The following PBRM1 variants were observed in gnomAD, a reference collection of about 807,000 sequenced individuals.
PBRM1 encodes the protein polybromo 1, also known as protein polybromo-1.
In PBRM1, 27 loss-of-function variants were observed where a neutral mutation model predicts 194.5. The observed-to-expected ratio is 0.14, with a 90% CI of 0.10 to 0.19. The LOEUF (loss-of-function observed/expected upper bound fraction) is 0.19. Ranked by LOEUF, PBRM1 falls within the 10% of genes least tolerant of loss-of-function variation. The probability of loss-of-function intolerance (pLI) is 1.00; values close to 1 mark genes in which losing one functional copy is unlikely to be tolerated. For missense variants in PBRM1, 1,466 were observed against 2,077.2 expected (o/e 0.71, Z 5.72); for synonymous variants, 655 against 693.2 (o/e 0.94, Z 0.87).
chr3:52,662,645 G>C (rs530637586), intron 3 of PBRM1, among the ~76,000 whole-genome samples: 99 of 152,154 alleles, frequency 6.5e-4, no homozygotes, highest in African/African-American at 2.2e-3. Context: ...GGCCAACATG[G>C]TGAAACCCCG....
intron 17 of PBRM1, among the ~76,000 whole-genome samples, chr3:52,601,835 T>C (rs2094017820): frequency 6.6e-6 from 1 of 152,130 alleles, no homozygotes; most frequent in African/African-American, 2.4e-5. Context: ...GTGAAAGCAG[T>C]AGCAGTGCTG....
At chr3:52,549,574 G>A (rs756331230) in intron 29 of PBRM1, among the ~76,000 whole-genome samples, 10 of 152,112 alleles carry the variant, frequency 6.6e-5, no homozygotes, top group East Asian at 1.9e-4. Context: ...ATGTTTATGA[G>A]AAAACTAGGC....
intron 17 of PBRM1, among the ~76,000 whole-genome samples, chr3:52,591,618 C>T (rs548299619): frequency 7.2e-6 from 1 of 138,750 alleles, no homozygotes; most frequent in African/African-American, 2.7e-5. Flanking sequence ...CTCCCAAGTT[C>T]AAGCAATTCT....
At chr3:52,545,809 T>C (rs944911788), downstream of PBRM1, 1 of 232,972 alleles carries the variant, frequency 4.3e-6, no homozygotes, top group South Asian at 1.8e-4. Context: ...CTAAAACTTA[T>C]GAAAAAAAGG....
chr3:52,550,533 T>C (rs2153375010), exon 29 of PBRM1: 1 of 1,573,474 alleles, frequency 6.4e-7, no homozygotes, highest in Non-Finnish European at 8.6e-7. Flanking sequence ...GTGGGGGAGC[T>C]ACAAACATGG....
rs142078067 is a variant in PBRM1 at position 52,609,908 on chromosome 3, T to C, written c.1972A>G (p.Met658Val). The change falls in exon 16 of 30, where the codon ATG becomes GTG. Residue 658 changes from methionine to valine, a missense_variant. Transcript: ENST00000296302. The surrounding 1 kb of genome is among the most constrained non-coding windows in gnomAD (Gnocchi z 4.1). Reference sequence around the variant, plus strand: ...TAGACCTCATTTAGTTTCTGCTGCATTGGAGTCATGTATTTTGATTTTTTA... The same window carrying C: ...TAGACCTCATTTAGTTTCTGCTGCACTGGAGTCATGTATTTTGATTTTTTA... 1.3e-5 allele frequency: 20 copies of C among 1,548,196 alleles called. No homozygotes were observed. Among genetic ancestry groups the C allele is most frequent in the Admixed American group, 4.3e-5 (2 of 46,228 alleles).
rs1204750996 is a variant in PBRM1 at position 52,651,819 on chromosome 3, CA to C, written c.646-10del. The stretch of plus-strand genomic sequence containing the variant: ...TAATAATCTGGATATTGCTGGAAGA[CA>C]AAAAACCAGGCATGCTCAATAAGTT... On this transcript the variant is annotated splice_polypyrimidine_tract_variant and intron_variant, in intron 5 of 29. Transcript: ENST00000296302. 4 of 1,579,268 alleles carry C rather than the reference CA, an allele frequency of 2.5e-6. No individual in the cohort carries two copies. Among genetic ancestry groups the C allele is most frequent in the Admixed American group, 1.8e-5 (1 of 56,230 alleles).
chr3:52,568,639 T>TG (rs2086087702), intron 22 of PBRM1, among the ~76,000 whole-genome samples: 1 of 152,234 alleles, frequency 6.6e-6, no homozygotes, highest in Non-Finnish European at 1.5e-5. Context: ...AGTTAAGATG[T>TG]GGGATATGGC....
intron 20 of PBRM1, chr3:52,585,371 A>G (rs1317450345): frequency 2.6e-5 from 4 of 152,172 alleles, no homozygotes; most frequent in African/African-American, 9.7e-5. Context: ...GTTCTATGAT[A>G]CTTTAAAAAA....
chr3:52,574,080 AGTTT>A (rs2153631629), intron 22 of PBRM1, among the ~76,000 whole-genome samples: 1 of 152,258 alleles, frequency 6.6e-6, no homozygotes, highest in Admixed American at 6.5e-5. Flanking sequence ...ATTTTGTCTT[AGTTT>A]GTTTGTGCTG....
intron 17 of PBRM1, among the ~76,000 whole-genome samples, chr3:52,591,710 G>A (rs1461058671): frequency 6.7e-6 from 1 of 150,342 alleles, no homozygotes; most frequent in African/African-American, 2.4e-5. Context: ...AGTAGAGATG[G>A]GGTTTCACCA....
chr3:52,606,142 G>A lies in PBRM1; in HGVS notation c.2568-2410C>T, dbSNP rs1217901913. On this transcript the variant is annotated intron_variant, in intron 16 of 29. Coordinates refer to ENST00000296302, the Ensembl canonical transcript of PBRM1. ...ACCTCTCGAGTAGCTGGGACTATAG[G>A]CATATGTCACCAAGCTTGGCTGATT... 2.0e-5 allele frequency among the ~76,000 whole-genome samples: 3 copies of A among 151,930 alleles called. No homozygotes were observed. In the South Asian group the frequency reaches 6.2e-4, roughly 32 times the overall value.
At chr3:52,682,374 T>TAAAAAAAAAAA (rs34758458), upstream of PBRM1, 4 of 132,532 alleles carry the variant, frequency 3.0e-5, no homozygotes, top group African/African-American at 2.9e-5. Flanking sequence ...TTGACAAGGT[T>TAAAAAAAAAAA]AAAAAAAAAA....
chr3:52,680,395 C>G (rs141984628), upstream of PBRM1, among the ~76,000 whole-genome samples: 1 of 152,342 alleles, frequency 6.6e-6, no homozygotes, highest in Non-Finnish European at 1.5e-5. Context: ...TATACCTAGA[C>G]AGAGGTACAA....
chr3:52,603,102 C>T lies in PBRM1; in HGVS notation c.2779+419G>A, dbSNP rs531609393. Among the ~76,000 whole-genome samples the T allele has an allele frequency of 3.0e-4, 46 of 152,284 alleles. 1 individual carries two copies. The highest frequency in any genetic ancestry group is 1.0e-3 in the South Asian group (5 of 4,828). The stretch of plus-strand genomic sequence containing the variant: ...CTTTTCTCCAGGTATGTGATTCAAC[C>T]AAAATATCATCTACTTGTCTGGTCC... On this transcript the variant is annotated intron_variant, in intron 17 of 29. Coordinates refer to ENST00000296302, the Ensembl canonical transcript of PBRM1.
intron 8 of PBRM1, 100 bp from the exon 10 acceptor site, chr3:52,643,443 G>C (rs1577389467): frequency 1.3e-6 from 1 of 777,810 alleles, no homozygotes; most frequent in Non-Finnish European, 2.2e-6. Context: ...CTTCTAAATA[G>C]AAATGCTAAA....
intron 18 of PBRM1, 106 bp downstream of exon 20, chr3:52,588,964 T>C: frequency 1.3e-6 from 1 of 743,220 alleles, no homozygotes; most frequent in South Asian, 1.7e-5. Flanking sequence ...ACAATTATTA[T>C]GGAAAGGCTT....
intron 16 of PBRM1, among the ~76,000 whole-genome samples, chr3:52,608,285 G>T (rs568100868): frequency 2.0e-5 from 3 of 152,262 alleles, no homozygotes; most frequent in East Asian, 1.9e-4. Context: ...TTTACTAGTT[G>T]TAAGACTATG....
chr3:52,545,516 A>G (rs1238247270), downstream of PBRM1: 1 of 233,140 alleles, frequency 4.3e-6, no homozygotes, highest in African/African-American at 2.2e-5. Context: ...ATCAGGTATG[A>G]AAACATTCAA....
Sources: gnomAD v4.1 joint callset for allele counts (sites outside exome capture counted in the v4.1 genomes callset) on GRCh38, gnomAD v4.1.1 for gene constraint, Gnocchi (gnomAD v3.1) non-coding constraint, MANE v1.5 for transcripts, NCBI Gene and HGNC (gene_info 2026-07-23, HGNC 2026-07-21) for gene names.